Variants in GNG12 observed in about 807,000 individuals in gnomAD.
GNG12 encodes the protein G protein subunit gamma 12, also known as guanine nucleotide-binding protein G(I)/G(S)/G(O) subunit gamma-12.
For missense variants in GNG12, 69 were observed against 83.8 expected (o/e 0.82, Z 0.69); for synonymous variants, 28 against 29.7 (o/e 0.94, Z 0.19).
intron 2 of GNG12, among the ~76,000 whole-genome samples, chr1:67,750,038 G>A (rs1646529256): frequency 6.6e-6 from 1 of 152,152 alleles, no homozygotes. Flanking sequence ...CTGAAACTCT[G>A]GGTACAGAAG....
chr1:67,765,302 G>T (rs1289243242), intron 2 of GNG12, among the ~76,000 whole-genome samples: 1 of 151,908 alleles, frequency 6.6e-6, no homozygotes. Flanking sequence ...GTTTCTAAGA[G>T]CAGAGAAAGA....
intron 2 of GNG12, among the ~76,000 whole-genome samples, chr1:67,746,308 C>G (rs896781181): frequency 2.0e-5 from 3 of 152,192 alleles, no homozygotes; most frequent in Non-Finnish European, 4.4e-5. Context: ...TTGATTCCTG[C>G]AAGAATAAAG....
intron 1 of GNG12, among the ~76,000 whole-genome samples, chr1:67,805,920 A>G (rs1336584490): frequency 6.6e-6 from 1 of 151,854 alleles, no homozygotes; most frequent in Non-Finnish European, 1.5e-5. Context: ...AAAAAATCTT[A>G]CCCATCCAGG....
At chr1:67,763,532 CTTT>C (rs113420131) in intron 2 of GNG12, among the ~76,000 whole-genome samples, 2 of 143,718 alleles carry the variant, frequency 1.4e-5, no homozygotes, top group African/African-American at 2.5e-5. Flanking sequence ...ATATCCATCA[CTTT>C]TTTTTTTTTT....
At chr1:67,830,857 C>A (rs72684568) in intron 1 of GNG12, among the ~76,000 whole-genome samples, 1,822 of 152,284 alleles carry the variant, frequency 0.012, 19 homozygotes, top group Non-Finnish European at 0.019. Context: ...TGCCACCCTG[C>A]AATTTATCCA....
In GNG12 at chr1:67,705,727, A is replaced by G. The variant is rs149098644; in HGVS notation, c.94-151T>C. 3.2e-4 allele frequency: 429 copies of G among 1,347,752 alleles called. 1 individual carries two copies. The African/African-American group carries it at 5.9e-3, about 19-fold the overall frequency. The allele number at this position is 1,347,752 out of a possible 1,614,324, so 83.5% of individuals were successfully genotyped here. On this transcript the variant is annotated intron_variant, in intron 3 of 3. Coordinates refer to ENST00000370982, the MANE Select transcript of GNG12 (RefSeq NM_018841.6). Reference sequence around the variant, plus strand: ...CATCACTCTCAGATTCTTGTCAGGTATAAAAAGGAAATGGTACCTTTAAAA... The same window carrying G: ...CATCACTCTCAGATTCTTGTCAGGTGTAAAAAGGAAATGGTACCTTTAAAA...
chr1:67,767,885 A>G (rs146127691), intron 2 of GNG12, among the ~76,000 whole-genome samples: 1 of 152,382 alleles, frequency 6.6e-6, no homozygotes, highest in East Asian at 1.9e-4. Context: ...AACTTCTTAC[A>G]TATAGAAATG....
intron 2 of GNG12, among the ~76,000 whole-genome samples, chr1:67,710,849 A>G (rs933187624): frequency 4.6e-5 from 7 of 152,290 alleles, no homozygotes; most frequent in African/African-American, 1.7e-4. Context: ...CAGGCTCGAC[A>G]AAGTCCATGC....
intron 2 of GNG12, among the ~76,000 whole-genome samples, chr1:67,732,431 C>T (rs974528498): frequency 3.9e-5 from 6 of 152,320 alleles, no homozygotes; most frequent in African/African-American, 7.2e-5. Context: ...ACAGACCATT[C>T]AACCTTTCAG....
chr1:67,801,336 GAAT>G (rs1646864388), intron 1 of GNG12, among the ~76,000 whole-genome samples: 1 of 152,210 alleles, frequency 6.6e-6, no homozygotes, highest in Admixed American at 6.5e-5. Context: ...TTCACTGAAT[GAAT>G]ATATGAATGA....
chr1:67,806,564 T>G lies in GNG12; in HGVS notation c.-77+26780A>C, dbSNP rs183778471. On this transcript the variant is annotated intron_variant, in intron 1 of 3. Transcript: ENST00000370982. The stretch of plus-strand genomic sequence containing the variant: ...GGATGGTCCTGGAACCAATCCCCTG[T>G]GTATACCACAGGATGACTGTAAAGG... Among the ~76,000 whole-genome samples the G allele has an allele frequency of 2.0e-3, 300 of 151,196 alleles. 1 individual carries two copies. The highest frequency in any genetic ancestry group is 3.5e-3 in the Non-Finnish European group (235 of 67,302).
chr1:67,816,202 C>A (rs1425713817), intron 1 of GNG12, among the ~76,000 whole-genome samples: 1 of 152,034 alleles, frequency 6.6e-6, no homozygotes, highest in Non-Finnish European at 1.5e-5. Flanking sequence ...TTCCTCAAGT[C>A]AAGAAAGTTT....
At chr1:67,825,335 A>G (rs905228124) in intron 1 of GNG12, among the ~76,000 whole-genome samples, 1 of 152,150 alleles carries the variant, frequency 6.6e-6, no homozygotes, top group Non-Finnish European at 1.5e-5. Flanking sequence ...CACAAGGTGT[A>G]TTGTCTCCAG....
intron 1 of GNG12, among the ~76,000 whole-genome samples, chr1:67,787,697 T>C (rs189931681): frequency 4.7e-4 from 72 of 152,286 alleles, no homozygotes; most frequent in African/African-American, 1.6e-3. Flanking sequence ...GAAAAACCAA[T>C]AGCCAGCTAC....
At position 67,803,904 on chromosome 1, in the gene GNG12, C is replaced by T. The variant is rs529930216; in HGVS notation, c.-76-26397G>A. ...AACAAAACAAAACAAAACAAGCCCACGTTATTTGAATGAAACAGCAGTGAA... is the reference window on the plus strand; with the variant it reads ...AACAAAACAAAACAAAACAAGCCCATGTTATTTGAATGAAACAGCAGTGAA... On this transcript the variant is annotated intron_variant, in intron 1 of 3. Transcript: ENST00000370982. 6.6e-5 allele frequency among the ~76,000 whole-genome samples: 10 copies of T among 152,214 alleles called. No individual in the cohort carries two copies. The South Asian group carries it at 1.5e-3, about 22-fold the overall frequency.
At chr1:67,775,464 A>C (rs1256278178) in intron 2 of GNG12, among the ~76,000 whole-genome samples, 1 of 152,254 alleles carries the variant, frequency 6.6e-6, no homozygotes, top group Non-Finnish European at 1.5e-5. Context: ...TCTACCCCAG[A>C]CCTAATGAAT....
chr1:67,705,525 T>A lies in GNG12; in HGVS notation c.145A>T (p.Ser49Cys). 6.2e-7 allele frequency: 1 copy of A among 1,614,158 alleles called. No homozygotes were observed. Among genetic ancestry groups the A allele is most frequent in the Non-Finnish European group, 8.5e-7 (1 of 1,180,018 alleles). Residue 49 changes from serine (S) to cysteine (C), a missense_variant, in exon 4 of 4, where the codon AGT (serine) becomes TGT (cysteine). Ser to Cys is a moderately radical substitution (Grantham distance 112, BLOSUM62 -1). Transcript: ENST00000370982. ...GGTATTCCTATCAGCAAAGGGTCAC[T>A]CCTGGCATGTTCCTCACAGTAGGAC... ...LMSYCEEHAR[S>C]DPLLIGIPTS...
chr1:67,803,135 T>C (rs761063512), intron 1 of GNG12, among the ~76,000 whole-genome samples: 2 of 152,218 alleles, frequency 1.3e-5, no homozygotes, highest in South Asian at 2.1e-4. Flanking sequence ...TTAGATTACA[T>C]TGGTCTATGG....
At chr1:67,724,978 T>G (rs1335583434) in intron 2 of GNG12, among the ~76,000 whole-genome samples, 1 of 152,252 alleles carries the variant, frequency 6.6e-6, no homozygotes, top group Non-Finnish European at 1.5e-5. Flanking sequence ...CATGAAAGAA[T>G]GGAAGACACG....
Sources: allele counts gnomAD v4.1 joint callset (sites outside exome capture counted in the v4.1 genomes callset), GRCh38; gene constraint gnomAD v4.1.1; transcripts MANE v1.5; gene names NCBI Gene and HGNC (gene_info 2026-07-23, HGNC 2026-07-21).